SRPK2: variants seen among roughly 807,000 people sequenced by gnomAD.
SRPK2 encodes the protein SFRS protein kinase 2.
A neutral mutation model predicts 90.8 loss-of-function variants in SRPK2; 21 were observed. The observed-to-expected ratio is 0.23, with a 90% CI of 0.16 to 0.33. The LOEUF (loss-of-function observed/expected upper bound fraction) is 0.33, where lower values mean the gene tolerates loss of function less well. SRPK2 is among the 10% of genes least tolerant of loss of function. SRPK2 has a pLI of 1.00. For missense variants in SRPK2, 620 were observed against 869.0 expected (o/e 0.71, Z 3.60); for synonymous variants, 288 against 311.1 (o/e 0.93, Z 0.78).
At chr7:105,119,082 A>AC (rs1261581082) in intron 15 of SRPK2, among the ~76,000 whole-genome samples, 1 of 145,572 alleles carries the variant, frequency 6.9e-6, no homozygotes, top group Non-Finnish European at 1.5e-5. Context: ...CAGAGGAAAC[A>AC]CCCCCCTGTG....
chr7:105,213,411 A>G (rs922586594), intron 2 of SRPK2, among the ~76,000 whole-genome samples: 3 of 152,186 alleles, frequency 2.0e-5, no homozygotes, highest in Non-Finnish European at 4.4e-5. Flanking sequence ...AAGCATGACC[A>G]TGCAGCTGGA....
intron 15 of SRPK2, among the ~76,000 whole-genome samples, chr7:105,124,738 C>G (rs919983599): frequency 6.6e-6 from 1 of 150,906 alleles, no homozygotes; most frequent in African/African-American, 2.4e-5. Context: ...AAGTCCATGT[C>G]CTACTCACAT....
chr7:105,316,783 G>A (rs1585677430), intron 2 of SRPK2, among the ~76,000 whole-genome samples: 1 of 152,204 alleles, frequency 6.6e-6, no homozygotes, highest in African/African-American at 2.4e-5. Context: ...AGGCAAGCAT[G>A]GCCTAGGGAA....
intron 2 of SRPK2, among the ~76,000 whole-genome samples, chr7:105,245,510 C>T (rs1386568637): frequency 5.9e-5 from 9 of 151,788 alleles, no homozygotes; most frequent in South Asian, 4.2e-4. Flanking sequence ...ATGCAAAGGG[C>T]GGAGGAACAG....
chr7:105,193,532 A>G (rs1436229397), intron 3 of SRPK2, among the ~76,000 whole-genome samples: 1 of 152,076 alleles, frequency 6.6e-6, no homozygotes, highest in Non-Finnish European at 1.5e-5. Context: ...TTTCGGTTCC[A>G]TGTGAATTTT....
intron 2 of SRPK2, among the ~76,000 whole-genome samples, chr7:105,291,554 C>G (rs1306243941): frequency 2.0e-5 from 3 of 152,042 alleles, no homozygotes; most frequent in Non-Finnish European, 4.4e-5. Flanking sequence ...TATGGTGAAA[C>G]CCCATCTCTA....
At chr7:105,314,189 G>A (rs932966145) in intron 2 of SRPK2, among the ~76,000 whole-genome samples, 4 of 151,800 alleles carry the variant, frequency 2.6e-5, no homozygotes, top group Admixed American at 6.6e-5. Context: ...AAAATTAACC[G>A]GGGGTCATAG....
intron 1 of SRPK2, among the ~76,000 whole-genome samples, chr7:105,397,099 C>T (rs1822352964): frequency 6.6e-6 from 1 of 152,062 alleles, no homozygotes; most frequent in Non-Finnish European, 1.5e-5. Context: ...CTCACTACAA[C>T]TTCCGCCTCA....
chr7:105,262,967 C>T (rs373402694), intron 2 of SRPK2, among the ~76,000 whole-genome samples: 4 of 152,200 alleles, frequency 2.6e-5, no homozygotes, highest in East Asian at 3.9e-4. Context: ...AACTCAGCAA[C>T]TGCACTCCTA....
At chr7:105,306,126 A>G (rs1405634152) in intron 2 of SRPK2, 1 of 166,558 alleles carries the variant, frequency 6.0e-6, no homozygotes, top group Non-Finnish European at 1.3e-5. Flanking sequence ...ATGAGGTACC[A>G]AAAGAAGTAA....
intron 2 of SRPK2, among the ~76,000 whole-genome samples, chr7:105,327,229 G>GGA (rs201734709): frequency 3.3e-5 from 5 of 151,906 alleles, no homozygotes; most frequent in East Asian, 1.9e-4. Flanking sequence ...AATGGTTGGG[G>GGA]AAAAAATCAA....
chr7:105,201,508 A>G (rs904214621), intron 3 of SRPK2, among the ~76,000 whole-genome samples: 1 of 152,058 alleles, frequency 6.6e-6, no homozygotes, highest in African/African-American at 2.4e-5. Flanking sequence ...TATTGGTTAC[A>G]TCTCCTGACC....
intron 2 of SRPK2, among the ~76,000 whole-genome samples, chr7:105,327,943 A>G (rs1382432316): frequency 2.6e-5 from 4 of 152,180 alleles, no homozygotes; most frequent in Admixed American, 2.0e-4. Context: ...CGGGACTACA[A>G]GAAGCCACCA....
intron 2 of SRPK2, among the ~76,000 whole-genome samples, chr7:105,349,154 A>T (rs1016309023): frequency 7.6e-6 from 1 of 131,768 alleles, no homozygotes; most frequent in Non-Finnish European, 1.6e-5. Flanking sequence ...GAAAGAGAGA[A>T]AGAAAGAGGG....
rs1327463085 is a variant in SRPK2 at position 105,167,857 on chromosome 7, C to T, written c.426+151G>A. On this transcript the variant is annotated intron_variant, in intron 5 of 15. Coordinates refer to ENST00000393651, the MANE Select transcript of SRPK2 (RefSeq NM_182692.3). ...AACTCTTGACCTCAAGTGATCTGCTCGCTTTGGCCTCCCAAAGTGCTGAGA... is the reference window on the plus strand; with the variant it reads ...AACTCTTGACCTCAAGTGATCTGCTTGCTTTGGCCTCCCAAAGTGCTGAGA... 12 of 610,966 alleles carry T rather than the reference C, an allele frequency of 2.0e-5. No homozygotes were observed. The East Asian group carries it at 3.3e-4, about 17-fold the overall frequency. The allele number at this position is 610,966 out of a possible 1,614,324, so 37.8% of individuals were successfully genotyped here.
At chr7:105,192,331 T>C (rs182046050) in intron 3 of SRPK2, among the ~76,000 whole-genome samples, 1 of 152,318 alleles carries the variant, frequency 6.6e-6, no homozygotes, top group African/African-American at 2.4e-5. Context: ...CATTCCTGAG[T>C]TACTTCAATT....
intron 2 of SRPK2, among the ~76,000 whole-genome samples, chr7:105,208,717 A>C (rs991085890): frequency 3.3e-5 from 5 of 152,232 alleles, no homozygotes; most frequent in Non-Finnish European, 5.9e-5. Flanking sequence ...AAAATGTCCT[A>C]ATGTGGTGAT....
rs1433806710 is a variant in SRPK2, at chr7:105,117,694, T to G, written c.*144A>C. The G allele has an allele frequency of 1.1e-6, 1 of 880,430 alleles. No individual in the cohort carries two copies. Among genetic ancestry groups the G allele is most frequent in the Non-Finnish European group, 1.7e-6 (1 of 583,204 alleles). 54.5% of individuals were successfully genotyped at this position (880,430 alleles called of 1,614,324 possible). On this transcript the variant is annotated 3_prime_UTR_variant, in exon 16 of 16. Transcript: ENST00000393651. ...ATCACAGTGCACAAAAAGCAAAATGTCAAACAACAGTACCTCAAAGCAAAA... is the reference window on the plus strand; with the variant it reads ...ATCACAGTGCACAAAAAGCAAAATGGCAAACAACAGTACCTCAAAGCAAAA...
chr7:105,381,118 C>G (rs1023959177), intron 2 of SRPK2, among the ~76,000 whole-genome samples: 4 of 151,974 alleles, frequency 2.6e-5, no homozygotes, highest in African/African-American at 9.7e-5. Context: ...GTGGCGCATG[C>G]CTGTAATCCC....
Sources: allele counts gnomAD v4.1 joint callset (sites outside exome capture counted in the v4.1 genomes callset), GRCh38; gene constraint gnomAD v4.1.1; transcripts MANE v1.5; gene names NCBI Gene and HGNC (gene_info 2026-07-23, HGNC 2026-07-21).